The following CBL variants were observed in gnomAD, a reference collection of about 807,000 sequenced individuals.
CBL encodes Cbl proto-oncogene, also known as E3 ubiquitin-protein ligase CBL.
Under a neutral mutation model 96.9 loss-of-function variants are expected in CBL, and 45 were observed. That is an observed-to-expected ratio of 0.46 (90% CI 0.37 to 0.60). CBL has a LOEUF of 0.60. CBL is among the 20% of genes least tolerant of loss of function. The probability of loss-of-function intolerance (pLI) is 0.00; values close to 1 mark genes in which losing one functional copy is unlikely to be tolerated. For missense variants in CBL, 1,024 were observed against 1,143.5 expected (o/e 0.90, Z 1.51); for synonymous variants, 420 against 426.8 (o/e 0.98, Z 0.20).
In CBL at chr11:119,302,850, C is replaced by T. The variant is rs1490396767; in HGVS notation, c.*3069C>T. ...ATAGTGCTCTCTACCTGTGGGTGGC[C>T]GTTCTCTTCCACTTGCTCGTCTCCC... On this transcript the variant is annotated 3_prime_UTR_variant, in exon 16 of 16. Coordinates refer to ENST00000264033, the MANE Select transcript of CBL (RefSeq NM_005188.4). 1.3e-5 allele frequency: 3 copies of T among 230,924 alleles called. No homozygotes were observed. The highest frequency in any genetic ancestry group is 2.6e-5 in the Non-Finnish European group (3 of 116,684). The allele number at this position is 230,924 out of a possible 1,614,324, so 14.3% of individuals were successfully genotyped here. A position where few individuals can be genotyped will look rare whatever the true frequency, so the allele number is the denominator to read the frequency against.
At position 119,302,760 on chromosome 11, in the gene CBL, C is replaced by CAAAG; in HGVS notation, c.*2979_*2980insAAAG. On this transcript the variant is annotated 3_prime_UTR_variant, in exon 16 of 16. Coordinates refer to ENST00000264033, the MANE Select transcript of CBL (RefSeq NM_005188.4). ...AACCTGTGGGCTCTTCATATACCTC[C>CAAAG]CTTTAGTTAAGTAATAGACCAGGCA... 4.3e-6 allele frequency: 1 copy of CAAAG among 231,086 alleles called. No individual in the cohort carries two copies. The highest frequency in any genetic ancestry group is 6.1e-5 in the East Asian group (1 of 16,322). 14.3% of individuals were successfully genotyped at this position (231,086 alleles called of 1,614,324 possible). A position where few individuals can be genotyped will look rare whatever the true frequency, so the allele number is the denominator to read the frequency against.
intron 2 of CBL, among the ~76,000 whole-genome samples, chr11:119,251,977 TGCCTGCTAGA>T (rs991032127): frequency 1.3e-5 from 2 of 152,194 alleles, no homozygotes; most frequent in African/African-American, 4.8e-5. Flanking sequence ...AGCCAACAAA[TGCCTGCTAGA>T]GATACCTAGT....
At chr11:119,283,101 ATAAG>A (rs1233435738) in intron 9 of CBL, among the ~76,000 whole-genome samples, 1 of 152,212 alleles carries the variant, frequency 6.6e-6, no homozygotes, top group Non-Finnish European at 1.5e-5. Context: ...TCTCCCATAA[ATAAG>A]TAAGGTCTGG....
intron 14 of CBL, among the ~76,000 whole-genome samples, chr11:119,297,824 A>G (rs1164624567): frequency 6.6e-6 from 1 of 152,170 alleles, no homozygotes; most frequent in African/African-American, 2.4e-5. Flanking sequence ...CCAATCCTTT[A>G]TTTCCTACTC....
chr11:119,283,784 C>T (rs1208991776), intron 9 of CBL, among the ~76,000 whole-genome samples: 1 of 150,974 alleles, frequency 6.6e-6, no homozygotes, highest in Non-Finnish European at 1.5e-5. Context: ...ACTACAGGCG[C>T]CCGCCACCAC....
rs746166620 is a variant in CBL, at chr11:119,271,890, C to T, written c.590+9C>T. On this transcript the variant is annotated intron_variant, in intron 3 of 15. Transcript: ENST00000264033. ...AAAGCTTTTGGGGAAAAGTAAGTCT[C>T]AGAATAATGAATTTGAACTATGAAA... is the stretch of plus-strand genomic sequence containing the variant. 1.2e-6 allele frequency: 2 copies of T among 1,613,236 alleles called. No homozygotes were observed. The highest frequency in any genetic ancestry group is 2.2e-5 in the South Asian group (2 of 91,002).
intron 5 of CBL, 27 bp downstream of exon 5, chr11:119,274,980 ATTC>A (rs1565871221): frequency 1.2e-6 from 2 of 1,601,690 alleles, no homozygotes; most frequent in Non-Finnish European, 1.7e-6. Flanking sequence ...AAAGAGATTT[ATTC>A]TTCTGAATTT....
intron 6 of CBL, among the ~76,000 whole-genome samples, chr11:119,277,223 AAAAT>A (rs1949895683): frequency 7.8e-6 from 1 of 128,536 alleles, no homozygotes; most frequent in Non-Finnish European, 1.7e-5. Context: ...CCTCAAAAAA[AAAAT>A]AAGAATCTGT....
intron 9 of CBL, among the ~76,000 whole-genome samples, chr11:119,281,478 C>G (rs998472584): frequency 8.6e-5 from 13 of 150,658 alleles, no homozygotes; most frequent in African/African-American, 2.9e-4. Flanking sequence ...CTTCCTTTCC[C>G]TCTGTCACCA....
intron 1 of CBL, among the ~76,000 whole-genome samples, chr11:119,226,422 T>TTATC (rs1949459087): frequency 6.6e-6 from 1 of 152,154 alleles, no homozygotes; most frequent in Non-Finnish European, 1.5e-5. Context: ...TTATCTTTGA[T>TTATC]TTTGTGGTTA....
intron 2 of CBL, among the ~76,000 whole-genome samples, chr11:119,235,362 G>A (rs890688097): frequency 2.6e-5 from 4 of 152,034 alleles, no homozygotes; most frequent in Non-Finnish European, 5.9e-5. Context: ...TGATCCGCCC[G>A]CCTTGGCCTC....
intron 9 of CBL, among the ~76,000 whole-genome samples, chr11:119,280,705 T>G (rs1257105753): frequency 2.0e-5 from 3 of 152,210 alleles, no homozygotes; most frequent in African/African-American, 7.2e-5. Context: ...GTTTTAATTC[T>G]TGAAACTGTT....
Position 119,243,129 on chromosome 11 carries a change from T to G in CBL, c.443+10434T>G, listed in dbSNP as rs537654418. ...CTCGTCTCTACTAAAAATACAAAAATTAGCTGTGTGTGGCAGTGCACGCCT... is the reference window on the plus strand; with the variant it reads ...CTCGTCTCTACTAAAAATACAAAAAGTAGCTGTGTGTGGCAGTGCACGCCT... On this transcript the variant is annotated intron_variant, in intron 2 of 15. Transcript: ENST00000264033. Among the ~76,000 whole-genome samples, 6 of 152,066 alleles carry G rather than the reference T, an allele frequency of 3.9e-5. No individual in the cohort carries two copies. In the East Asian group the frequency reaches 1.2e-3, roughly 29 times the overall value.
intron 1 of CBL, among the ~76,000 whole-genome samples, chr11:119,228,474 C>A (rs954880435): frequency 1.3e-5 from 2 of 151,994 alleles, no homozygotes; most frequent in Non-Finnish European, 2.9e-5. Flanking sequence ...GGCATGGTGG[C>A]GCATGCCAGT....
intron 2 of CBL, among the ~76,000 whole-genome samples, chr11:119,268,727 AG>A (rs1236475086): frequency 2.0e-5 from 3 of 152,212 alleles, no homozygotes; most frequent in African/African-American, 7.2e-5. Context: ...GGGGGAGAAA[AG>A]CCAAGAAAGA....
At chr11:119,224,057 G>A (rs990773085) in intron 1 of CBL, among the ~76,000 whole-genome samples, 1 of 152,144 alleles carries the variant, frequency 6.6e-6, no homozygotes, top group Non-Finnish European at 1.5e-5. Context: ...CCCTGGTCAT[G>A]ATGATTCATT....
At chr11:119,210,471 C>T (rs1459075162) in intron 1 of CBL, among the ~76,000 whole-genome samples, 1 of 151,874 alleles carries the variant, frequency 6.6e-6, no homozygotes, top group Non-Finnish European at 1.5e-5. Flanking sequence ...GCTCTGTCAC[C>T]CAGGCTGGAA....
At chr11:119,240,693 G>T (rs181156392) in intron 2 of CBL, among the ~76,000 whole-genome samples, 83 of 152,292 alleles carry the variant, frequency 5.5e-4, no homozygotes, top group African/African-American at 1.9e-3. Flanking sequence ...AGACATATGT[G>T]TTCCTTCATA....
At chr11:119,223,884 C>T (rs775690804) in intron 1 of CBL, among the ~76,000 whole-genome samples, 17 of 152,112 alleles carry the variant, frequency 1.1e-4, no homozygotes, top group Non-Finnish European at 2.4e-4. Context: ...TGCAGCCTCC[C>T]GAAGTGCTGG....
Sources: gnomAD v4.1 joint callset for allele counts (sites outside exome capture counted in the v4.1 genomes callset) on GRCh38, gnomAD v4.1.1 for gene constraint, MANE v1.5 for transcripts, NCBI Gene and HGNC (gene_info 2026-07-23, HGNC 2026-07-21) for gene names.